SENP7: variants seen among roughly 807,000 people sequenced by gnomAD.
SENP7 encodes sentrin-specific protease 7.
A neutral mutation model predicts 141.2 loss-of-function variants in SENP7; 64 were observed. The ratio of observed to expected loss-of-function variants is 0.45; its 90% CI spans 0.37 to 0.56. SENP7 has a LOEUF of 0.56. Among genes scored for constraint, SENP7 ranks in the 20% least tolerant of loss-of-function variants. The probability of loss-of-function intolerance (pLI) is 0.00; values close to 1 mark genes in which losing one functional copy is unlikely to be tolerated. For missense variants in SENP7, 1,025 were observed against 1,212.2 expected (o/e 0.85, Z 2.29); for synonymous variants, 382 against 426.4 (o/e 0.90, Z 1.28).
chr3:101,457,690 G>T, intron 4 of SENP7: 1 of 1,244,022 alleles, frequency 8.0e-7, no homozygotes, highest in Non-Finnish European at 1.2e-6. Context: ...TGTGCCTGCA[G>T]TTTGGCAAGT....
intron 4 of SENP7, among the ~76,000 whole-genome samples, chr3:101,422,814 C>G (rs1385731431): frequency 6.6e-6 from 1 of 151,782 alleles, no homozygotes; most frequent in Non-Finnish European, 1.5e-5. Context: ...AGCATAATCA[C>G]AGCAGAAAAA....
At chr3:101,406,364 A>G (rs984207091) in intron 5 of SENP7, among the ~76,000 whole-genome samples, 1 of 152,032 alleles carries the variant, frequency 6.6e-6, no homozygotes. Context: ...GTTCTCACTC[A>G]TAGGTGGGAA....
At chr3:101,331,956 A>G (rs776471262) in intron 19 of SENP7, 29 bp downstream of exon 19, 1 of 1,606,884 alleles carries the variant, frequency 6.2e-7, no homozygotes, top group Non-Finnish European at 8.5e-7. Flanking sequence ...CATCATTATT[A>G]AAAACACCAT....
intron 17 of SENP7, among the ~76,000 whole-genome samples, chr3:101,336,914 A>G (rs1168493458): frequency 6.6e-6 from 1 of 152,258 alleles, no homozygotes; most frequent in African/African-American, 2.4e-5. Flanking sequence ...AGGTTTAATT[A>G]AATAGTCTGT....
intron 3 of SENP7, among the ~76,000 whole-genome samples, chr3:101,461,541 A>C (rs9812849): frequency 0.4 from 60,089 of 151,648 alleles, 12,404 homozygotes; most frequent in Admixed American, 0.53. Flanking sequence ...TATGAAGAAC[A>C]TGGAACCTTC....
chr3:101,504,179 G>A (rs547886651), intron 1 of SENP7, among the ~76,000 whole-genome samples: 17 of 152,010 alleles, frequency 1.1e-4, no homozygotes, highest in Non-Finnish European at 2.2e-4. Flanking sequence ...GGCCAGGCGC[G>A]GTGGCTGATG....
intron 3 of SENP7, among the ~76,000 whole-genome samples, chr3:101,468,757 C>A (rs1387643137): frequency 2.0e-5 from 3 of 152,116 alleles, no homozygotes; most frequent in Non-Finnish European, 4.4e-5. Flanking sequence ...CAAAAACATG[C>A]CAAATTGTAA....
chr3:101,510,819 G>C, intron 1 of SENP7, among the ~76,000 whole-genome samples: 1 of 131,738 alleles, frequency 7.6e-6, no homozygotes, highest in Non-Finnish European at 1.5e-5. Context: ...GCTCCAGCCT[G>C]GGCAACAGAG....
At chr3:101,330,480 A>G (rs2059020497) in intron 19 of SENP7, 94 bp from the exon 20 acceptor site, 3 of 695,252 alleles carry the variant, frequency 4.3e-6, no homozygotes, top group African/African-American at 3.7e-5. Context: ...TTATGCAGTT[A>G]CTGGATGCAC....
chr3:101,484,622 C>T (rs2064646507), intron 3 of SENP7, among the ~76,000 whole-genome samples: 4 of 152,172 alleles, frequency 2.6e-5, no homozygotes, highest in Admixed American at 2.6e-4. Flanking sequence ...AATGGAGAAG[C>T]TGAAGGTCTG....
chr3:101,491,575 C>A (rs1049858371), intron 3 of SENP7, among the ~76,000 whole-genome samples: 1 of 152,148 alleles, frequency 6.6e-6, no homozygotes, highest in Non-Finnish European at 1.5e-5. Flanking sequence ...TATCTTTCTA[C>A]ACAGCCCAAA....
intron 2 of SENP7, among the ~76,000 whole-genome samples, chr3:101,496,875 G>GC (rs1341555870): frequency 6.6e-6 from 1 of 152,186 alleles, no homozygotes; most frequent in Non-Finnish European, 1.5e-5. Flanking sequence ...AACCCACCAG[G>GC]CCCAGGCCAA....
At chr3:101,361,241 G>T (rs1194941151) in intron 11 of SENP7, among the ~76,000 whole-genome samples, 2 of 151,000 alleles carry the variant, frequency 1.3e-5, no homozygotes, top group Non-Finnish European at 2.9e-5. Flanking sequence ...ATAGAGAACC[G>T]AGTAGAATCC....
intron 4 of SENP7, among the ~76,000 whole-genome samples, chr3:101,446,096 T>C (rs2062881598): frequency 6.6e-6 from 1 of 151,856 alleles, no homozygotes; most frequent in African/African-American, 2.4e-5. Flanking sequence ...AGTGAGTGAG[T>C]TCTAACGAAA....
intron 4 of SENP7, chr3:101,457,694 G>A (rs1576414319): frequency 3.2e-6 from 4 of 1,243,056 alleles, no homozygotes; most frequent in Non-Finnish European, 4.7e-6. Flanking sequence ...CCTGCAGTTT[G>A]GCAAGTTTTT....
rs111852563 is a variant in SENP7 at position 101,362,223 on chromosome 3, T to C, written c.1477-362A>G. 5.9e-5 allele frequency among the ~76,000 whole-genome samples: 9 copies of C among 152,298 alleles called. No homozygotes were observed. In the South Asian group the frequency reaches 1.5e-3, roughly 25 times the overall value. On this transcript the variant is annotated intron_variant, in intron 10 of 23. Transcript: ENST00000394095. The stretch of plus-strand genomic sequence containing the variant: ...ACATATATTGTACTTTTGTTTAAAA[T>C]AGGTTTTTAAATATATTATCTCTTT...
intron 4 of SENP7, among the ~76,000 whole-genome samples, chr3:101,418,204 A>G (rs527697994): frequency 1.3e-5 from 2 of 152,320 alleles, no homozygotes; most frequent in South Asian, 4.1e-4. Context: ...CTAAGGGTCC[A>G]CTACTGCATC....
chr3:101,440,161 C>T, intron 4 of SENP7, among the ~76,000 whole-genome samples: 1 of 11,178 alleles, frequency 8.9e-5, no homozygotes, highest in African/African-American at 2.8e-4. Flanking sequence ...ATTGAGAAAT[C>T]GGATGGTTGC....
chr3:101,406,894 G>C (rs1406077053), intron 5 of SENP7, among the ~76,000 whole-genome samples: 1 of 152,188 alleles, frequency 6.6e-6, no homozygotes, highest in Non-Finnish European at 1.5e-5. Flanking sequence ...CTACAAGCTA[G>C]AAGGGACTGG....
Sources: allele counts gnomAD v4.1 joint callset (sites outside exome capture counted in the v4.1 genomes callset), GRCh38; gene constraint gnomAD v4.1.1; transcripts MANE v1.5; gene names NCBI Gene and HGNC (gene_info 2026-07-23, HGNC 2026-07-21).